CYP19A1: variants seen among roughly 807,000 people sequenced by gnomAD.
CYP19A1 encodes aromatase.
In CYP19A1, 32 loss-of-function variants were observed where a neutral mutation model predicts 44.4. The ratio of observed to expected loss-of-function variants is 0.72; its 90% confidence interval spans 0.54 to 0.97. CYP19A1 has a LOEUF of 0.97. Ranked by LOEUF, CYP19A1 falls within the 50% of genes least tolerant of loss-of-function variation. The pLI, the probability that CYP19A1 is intolerant of heterozygous loss-of-function variation, is 0.00. For missense variants in CYP19A1, 598 were observed against 637.8 expected (o/e 0.94, Z 0.67); for synonymous variants, 212 against 215.6 (o/e 0.98, Z 0.14).
At chr15:51,255,274 T>G (rs2034471226) in intron 1 of CYP19A1, among the ~76,000 whole-genome samples, 1 of 152,236 alleles carries the variant, frequency 6.6e-6, no homozygotes, top group Non-Finnish European at 1.5e-5. Flanking sequence ...CTGGAACAGC[T>G]GATCAGTAAA....
chr15:51,274,160 A>C (rs1249972684), intron 1 of CYP19A1, among the ~76,000 whole-genome samples: 2 of 152,184 alleles, frequency 1.3e-5, no homozygotes, highest in East Asian at 3.8e-4. Context: ...CCAGCCATAT[A>C]CATCAATAGT....
At position 51,263,292 on chromosome 15, in the gene CYP19A1, C is replaced by G. The variant is rs534607253; in HGVS notation, c.-38-20342G>C. Among the ~76,000 whole-genome samples, 20 of 152,312 alleles carry G rather than the reference C, an allele frequency of 1.3e-4. No homozygotes were observed. In the East Asian group the frequency reaches 1.3e-3, roughly 10 times the overall value. On this transcript the variant is annotated intron_variant, in intron 1 of 9. Coordinates refer to ENST00000396402, the MANE Select transcript of CYP19A1 (RefSeq NM_000103.4). Reference sequence around the variant, plus strand: ...GGCTGCTGAGTGGTCAAGTCAGATGCAGGCAGAACATTGACATTGGATAAA... The same window carrying G: ...GGCTGCTGAGTGGTCAAGTCAGATGGAGGCAGAACATTGACATTGGATAAA...
At chr15:51,214,397 C>G (rs1361070530) in intron 8 of CYP19A1, among the ~76,000 whole-genome samples, 1 of 152,084 alleles carries the variant, frequency 6.6e-6, no homozygotes, top group South Asian at 2.1e-4. Context: ...TGGAAGCTCC[C>G]CTGCAGAGGG....
intron 1 of CYP19A1, among the ~76,000 whole-genome samples, chr15:51,306,653 T>C (rs1024832646): frequency 2.0e-5 from 3 of 152,240 alleles, no homozygotes; most frequent in African/African-American, 7.2e-5. Context: ...AATTAAATAA[T>C]AGAATATTAA....
intron 1 of CYP19A1, among the ~76,000 whole-genome samples, chr15:51,255,096 A>G (rs2034465269): frequency 1.3e-5 from 2 of 152,092 alleles, no homozygotes; most frequent in African/African-American, 4.8e-5. Context: ...TTGCCAGGAG[A>G]AGAAATGGCC....
At chr15:51,278,691 C>T (rs1055060177) in intron 1 of CYP19A1, among the ~76,000 whole-genome samples, 1 of 152,178 alleles carries the variant, frequency 6.6e-6, no homozygotes, top group Admixed American at 6.5e-5. Flanking sequence ...TTGTGTACAC[C>T]TGGGGTTCAG....
intron 1 of CYP19A1, among the ~76,000 whole-genome samples, chr15:51,263,085 G>A (rs1301787378): frequency 3.3e-5 from 5 of 152,072 alleles, no homozygotes; most frequent in Non-Finnish European, 7.4e-5. Context: ...AGAATATGTT[G>A]TGATATGAAC....
intron 1 of CYP19A1, among the ~76,000 whole-genome samples, chr15:51,301,547 T>C (rs1336238299): frequency 1.3e-5 from 2 of 152,238 alleles, no homozygotes; most frequent in African/African-American, 2.4e-5. Context: ...CCCTGCATAC[T>C]GACCCCTATT....
At chr15:51,292,651 G>T (rs2140989418) in intron 1 of CYP19A1, among the ~76,000 whole-genome samples, 1 of 152,250 alleles carries the variant, frequency 6.6e-6, no homozygotes, top group Non-Finnish European at 1.5e-5. Flanking sequence ...TTGCACGGGG[G>T]CCAAGGGAGC....
chr15:51,250,067 C>G (rs1478201240), intron 1 of CYP19A1, among the ~76,000 whole-genome samples: 1 of 152,220 alleles, frequency 6.6e-6, no homozygotes, highest in South Asian at 2.1e-4. Context: ...CCCTATAGTT[C>G]CCATCCCTGC....
chr15:51,284,316 G>A (rs2035626982), intron 1 of CYP19A1, among the ~76,000 whole-genome samples: 1 of 152,218 alleles, frequency 6.6e-6, no homozygotes, highest in African/African-American at 2.4e-5. Context: ...TGGAGCTGAT[G>A]TCTCTATTAT....
At chr15:51,325,523 T>G (rs1390018433) in intron 1 of CYP19A1, among the ~76,000 whole-genome samples, 1 of 152,140 alleles carries the variant, frequency 6.6e-6, no homozygotes, top group Admixed American at 6.5e-5. Context: ...TATATGCCCA[T>G]TGTACGCTGG....
At chr15:51,337,481 G>C (rs1029927994) in intron 1 of CYP19A1, among the ~76,000 whole-genome samples, 5 of 152,238 alleles carry the variant, frequency 3.3e-5, no homozygotes, top group Non-Finnish European at 1.5e-5. Context: ...TAAAGAACTT[G>C]AGTAGCATAT....
intron 1 of CYP19A1, among the ~76,000 whole-genome samples, chr15:51,315,025 T>A (rs1739778324): frequency 6.6e-6 from 1 of 152,066 alleles, no homozygotes; most frequent in African/African-American, 2.4e-5. Flanking sequence ...CCGATCCTGC[T>A]TGCTTTCATC....
chr15:51,252,644 G>GGCTC (rs1330026891), intron 1 of CYP19A1, among the ~76,000 whole-genome samples: 2 of 152,222 alleles, frequency 1.3e-5, no homozygotes, highest in African/African-American at 4.8e-5. Context: ...TGGCCCTGAA[G>GGCTC]AGGGCATCAA....
At position 51,218,622 on chromosome 15, in the gene CYP19A1, A is replaced by G. The variant is rs753882968; in HGVS notation, c.662T>C (p.Phe221Ser). ...SAIVVKIQGY[F>S]DAWQALLIKP... ...GATGAGGAGAGCTTGCCATGCATCA[A>G]AATAACCTTGGATTTTAACCACGAT... Residue 221 changes from phenylalanine to serine, a missense_variant, in exon 6 of 10, where the codon TTT (phenylalanine) becomes TCT (serine). Coordinates refer to ENST00000396402, the MANE Select transcript of CYP19A1 (RefSeq NM_000103.4). 6.2e-7 allele frequency: 1 copy of G among 1,613,846 alleles called. No homozygotes were observed. The highest frequency in any genetic ancestry group is 1.7e-5 in the Admixed American group (1 of 59,978).
At position 51,210,325 on chromosome 15, in the gene CYP19A1, C is replaced by G. The variant is rs886051276; in HGVS notation, c.*483G>C. 6.3e-6 allele frequency: 3 copies of G among 473,798 alleles called. No individual in the cohort carries two copies. The highest frequency in any genetic ancestry group is 1.3e-5 in the Non-Finnish European group (3 of 237,312). 29.3% of individuals were successfully genotyped at this position (473,798 alleles called of 1,614,324 possible). On this transcript the variant is annotated 3_prime_UTR_variant, in exon 10 of 10. Coordinates refer to ENST00000396402, the MANE Select transcript of CYP19A1 (RefSeq NM_000103.4). ...GACTATGAATGTTGCTTTTCCACCT[C>G]CACAGAAAACAAAATTAAAGTACTT...
chr15:51,248,050 C>G (rs971266128), intron 1 of CYP19A1, among the ~76,000 whole-genome samples: 3 of 152,158 alleles, frequency 2.0e-5, no homozygotes, highest in Non-Finnish European at 2.9e-5. Flanking sequence ...TACCCTACCT[C>G]AAACTCTCTA....
intron 6 of CYP19A1, 87 bp from the exon 7 acceptor site, chr15:51,215,904 T>C: frequency 6.3e-7 from 1 of 1,593,170 alleles, no homozygotes; most frequent in Non-Finnish European, 8.5e-7. Context: ...TTAGGTAAAA[T>C]GATCTGCTTT....
Sources: allele counts gnomAD v4.1 joint callset (sites outside exome capture counted in the v4.1 genomes callset), GRCh38; gene constraint gnomAD v4.1.1; transcripts MANE v1.5; gene names NCBI Gene and HGNC (gene_info 2026-07-23, HGNC 2026-07-21).